The following SHANK2 variants were observed in gnomAD, a reference collection of about 807,000 sequenced individuals.
The protein encoded by SHANK2 is SH3 and multiple ankyrin repeat domains protein 2.
SHANK2 carries 43 observed loss-of-function variants against 133.7 expected under a neutral mutation model. The observed-to-expected ratio is 0.32, with a 90% confidence interval of 0.25 to 0.41. SHANK2 has a LOEUF of 0.41. Among genes scored for constraint, SHANK2 ranks in the 10% least tolerant of loss-of-function variants. The probability of loss-of-function intolerance (pLI) is 1.00; values close to 1 mark genes in which losing one functional copy is unlikely to be tolerated. For synonymous variants in SHANK2, 1,017 were observed against 952.8 expected, an observed-to-expected ratio of 1.07 and a Z score of -1.24; for missense variants, 1,994 against 2,235.8, an observed-to-expected ratio of 0.89 and a Z score of 2.18.
At chr11:70,628,913 G>A (rs188443973) in intron 17 of SHANK2, among the ~76,000 whole-genome samples, 41 of 152,330 alleles carry the variant, frequency 2.7e-4, no homozygotes, top group Admixed American at 4.6e-4. Context: ...GCTGCAGCGC[G>A]GCAAGGCAGT....
intron 14 of SHANK2, among the ~76,000 whole-genome samples, chr11:70,757,389 C>T (rs1946897694): frequency 6.6e-6 from 1 of 152,254 alleles, no homozygotes; most frequent in Non-Finnish European, 1.5e-5. Flanking sequence ...GTCCTGCCCG[C>T]AGGGCTGGCC....
At chr11:71,110,254 C>T (rs7927453) in intron 5 of SHANK2, among the ~76,000 whole-genome samples, 4,454 of 152,118 alleles carry the variant, frequency 0.029, 203 homozygotes, top group African/African-American at 0.098. Context: ...CTGGCTAACA[C>T]GGTGAAACCC....
intron 2 of SHANK2, among the ~76,000 whole-genome samples, chr11:71,190,397 G>T (rs974375134): frequency 6.6e-6 from 1 of 152,156 alleles, no homozygotes; most frequent in Non-Finnish European, 1.5e-5. Flanking sequence ...ACAGCGTGAG[G>T]CTCCATCCAG....
intron 1 of SHANK2, among the ~76,000 whole-genome samples, chr11:71,243,065 A>C (rs1361708291): frequency 6.6e-6 from 1 of 152,244 alleles, no homozygotes; most frequent in Non-Finnish European, 1.5e-5. Flanking sequence ...CAACTAAAGC[A>C]GTACTTAAAG....
rs144082454 is a variant in SHANK2, at chr11:70,943,191, C to T, written c.1108-46624G>A. The T allele has an allele frequency of 1.8e-4, 78 of 430,222 alleles. 1 individual carries two copies. In the East Asian group the frequency reaches 3.4e-3, roughly 19 times the overall value. 26.7% of individuals were successfully genotyped at this position (430,222 alleles called of 1,614,324 possible). The stretch of plus-strand genomic sequence containing the variant: ...CATTGAGAAGATGGTGCTCAGTCAC[C>T]GACATGTTCAAAGGGGTCTGTCTGT... On this transcript the variant is annotated intron_variant, in intron 10 of 25. Transcript: ENST00000601538.
chr11:70,712,857 T>G (rs557794252), intron 14 of SHANK2, among the ~76,000 whole-genome samples: 1 of 152,348 alleles, frequency 6.6e-6, no homozygotes, highest in East Asian at 1.9e-4. Flanking sequence ...CTGCTGGAAT[T>G]CAGCACCAAC....
At chr11:70,594,259 G>A (rs376805301) in intron 17 of SHANK2, among the ~76,000 whole-genome samples, 88 of 152,296 alleles carry the variant, frequency 5.8e-4, no homozygotes, top group African/African-American at 1.9e-3. Flanking sequence ...GATGCTCAGC[G>A]ACTTCATGCC....
At position 71,086,278 on chromosome 11, in the gene SHANK2, A is replaced by ATTATATG. The variant is rs1555092896; in HGVS notation, c.912+6143_912+6144insCATATAA. On this transcript the variant is annotated intron_variant, in intron 8 of 25. Transcript: ENST00000601538. Reference sequence around the variant, plus strand: ...ATATGTTATATATTATATATGTTATATTATATATGTTATATAAGATGTTAT... The same window carrying ATTATATG: ...ATATGTTATATATTATATATGTTATATTATATGTTATATATGTTATATAAGATGTTAT... Among the ~76,000 whole-genome samples the ATTATATG allele has an allele frequency of 2.3e-3, 132 of 57,592 alleles. 13 individuals are homozygous for ATTATATG. The highest frequency in any genetic ancestry group is 4.4e-3 in the African/African-American group (65 of 14,806). The allele number at this position is 57,592 out of a possible 152,430, so 37.8% of individuals were successfully genotyped here.
chr11:70,768,761 G>C (rs1555041981), intron 14 of SHANK2, among the ~76,000 whole-genome samples: 1 of 152,124 alleles, frequency 6.6e-6, no homozygotes. Flanking sequence ...GGGAGGAGGC[G>C]GGCAGTGGTG....
chr11:70,923,598 C>A (rs1565408067), intron 10 of SHANK2, among the ~76,000 whole-genome samples: 1 of 152,148 alleles, frequency 6.6e-6, no homozygotes, highest in Non-Finnish European at 1.5e-5. Flanking sequence ...GGCTGGAGTG[C>A]AGTGGCGTGA....
intron 14 of SHANK2, among the ~76,000 whole-genome samples, chr11:70,774,343 G>C (rs1555043474): frequency 1.3e-5 from 2 of 150,466 alleles, no homozygotes; most frequent in Non-Finnish European, 3.0e-5. Flanking sequence ...TTTTTGAGAT[G>C]GAGTCTTACT....
chr11:70,768,075 AGG>A, intron 14 of SHANK2, among the ~76,000 whole-genome samples: 1 of 152,106 alleles, frequency 6.6e-6, no homozygotes, highest in Non-Finnish European at 1.5e-5. Context: ...GGGGGGGCTG[AGG>A]ATGTTGCTGA....
chr11:70,538,384 C>CA (rs2059571510), intron 17 of SHANK2, among the ~76,000 whole-genome samples: 1 of 152,250 alleles, frequency 6.6e-6, no homozygotes, highest in Admixed American at 6.5e-5. Flanking sequence ...GTGGAGTGGA[C>CA]ACTGCTTGCC....
At chr11:70,918,207 C>T (rs981934077) in intron 10 of SHANK2, among the ~76,000 whole-genome samples, 16 of 152,170 alleles carry the variant, frequency 1.1e-4, no homozygotes, top group Admixed American at 2.6e-4. Flanking sequence ...AAAGGCAGAA[C>T]GCTTGCAGCC....
intron 17 of SHANK2, chr11:70,604,931 T>G (rs56354786): frequency 0.49 from 74,252 of 152,502 alleles, 18,348 homozygotes; most frequent in East Asian, 0.66. Context: ...AGGGCAGTGG[T>G]GTGTGGGCAG....
intron 14 of SHANK2, among the ~76,000 whole-genome samples, chr11:70,736,934 C>T (rs782094047): frequency 3.3e-5 from 5 of 152,194 alleles, no homozygotes; most frequent in Non-Finnish European, 5.9e-5. Context: ...CTCTTCCTTG[C>T]GAGAACCTGG....
chr11:70,802,088 A>G (rs906407977), intron 13 of SHANK2, among the ~76,000 whole-genome samples: 2 of 152,084 alleles, frequency 1.3e-5, no homozygotes, highest in Non-Finnish European at 2.9e-5. Context: ...AAGGCACTGC[A>G]CCCAGGGCAT....
At chr11:71,056,077 G>A (rs1269722033) in intron 10 of SHANK2, among the ~76,000 whole-genome samples, 1 of 152,120 alleles carries the variant, frequency 6.6e-6, no homozygotes, top group East Asian at 1.9e-4. Context: ...CTGGGACAGC[G>A]GACCCCATGG....
intron 2 of SHANK2, among the ~76,000 whole-genome samples, chr11:71,160,270 A>G (rs1236730998): frequency 6.6e-6 from 1 of 152,136 alleles, no homozygotes; most frequent in Non-Finnish European, 1.5e-5. Context: ...CCCCCCTTAA[A>G]GCAGCCCTCA....
Sources: gnomAD v4.1 joint callset for allele counts (sites outside exome capture counted in the v4.1 genomes callset) on GRCh38, gnomAD v4.1.1 for gene constraint, MANE v1.5 for transcripts, NCBI Gene and HGNC (gene_info 2026-07-23, HGNC 2026-07-21) for gene names.